The following ABCA12 variants were observed in gnomAD, a reference collection of about 807,000 sequenced individuals.
ABCA12 encodes the protein ATP binding cassette subfamily A member 12.
A neutral mutation model predicts 293.5 loss-of-function variants in ABCA12; 156 were observed. The ratio of observed to expected loss-of-function variants is 0.53; its 90% CI spans 0.47 to 0.61. The LOEUF is 0.61. Ranked by LOEUF, ABCA12 falls within the 20% of genes least tolerant of loss-of-function variation. The pLI is 0.00. For synonymous variants in ABCA12, 1,063 were observed against 1,108.0 expected, an observed-to-expected ratio of 0.96 and a Z score of 0.81; for missense variants, 2,797 against 3,090.2, an observed-to-expected ratio of 0.91 and a Z score of 2.25.
In ABCA12 at chr2:215,086,106, G is replaced by A. The variant is rs1049227582; in HGVS notation, c.164-21887C>T. Among the ~76,000 whole-genome samples the A allele has an allele frequency of 6.6e-5, 10 of 152,250 alleles. No individual in the cohort carries two copies. The East Asian group carries it at 7.7e-4, about 12-fold the overall frequency. ...CATTGCTGTCAACTACATTTATTGC[G>A]CACCAACTATTGGAGTGGGGATGGC... On this transcript the variant is annotated intron_variant, in intron 2 of 52. Coordinates refer to ENST00000272895, the MANE Select transcript of ABCA12 (RefSeq NM_173076.3).
rs561972447 is a variant in ABCA12 at position 214,948,725 on chromosome 2, G to A, written c.6975C>T (p.His2325=). 4.7e-5 allele frequency: 76 copies of A among 1,613,984 alleles called. 1 individual carries two copies. In the South Asian group the frequency reaches 6.4e-4, roughly 14 times the overall value. ...LIRNKTGSLG[H]VDSHSSLVGY... ...CAACTAATGAGCTGTGAGAATCAAC[G>A]TGACCCAGAGATCTGAATTGAGAGA... Residue 2325 remains histidine, a synonymous_variant, in exon 47 of 53, where the codon CAC becomes CAT. Coordinates refer to ENST00000272895, the MANE Select transcript of ABCA12 (RefSeq NM_173076.3).
rs773569314 is a variant in ABCA12 at position 214,980,515 on chromosome 2, C to T, written c.4708G>A (p.Asp1570Asn). 14 of 1,613,754 alleles carry T rather than the reference C, an allele frequency of 8.7e-6. No homozygotes were observed. The highest frequency in any genetic ancestry group is 4.5e-5 in the East Asian group (2 of 44,876). Residue 1570 changes from aspartate (D) to asparagine (N), a missense_variant, in exon 31 of 53, where the codon GAT becomes AAT. By Grantham distance (23) the Asp-to-Asn change is conservative. Around this residue, in one of 3 missense-constraint regions of ABCA12, gnomAD observed 2,130 missense variants for 2,427.0 expected, o/e 0.88. Transcript: ENST00000272895. The part of the protein sequence containing the change: ...SPFYLKEAFG[D>N]GYHLTLTKKK... ...TTGGTAAGCGTGAGGTGATACCCAT[C>T]GCCAAAGGCTTCCTTGAGGTAAAAT... is the stretch of plus-strand genomic sequence containing the variant.
chr2:215,024,541 T>G (rs4673930), intron 11 of ABCA12, among the ~76,000 whole-genome samples: 12,930 of 152,272 alleles, frequency 0.085, 818 homozygotes, highest in Admixed American at 0.17. Context: ...CACAATTTCC[T>G]TCTCATTTGC....
intron 1 of ABCA12, among the ~76,000 whole-genome samples, chr2:215,114,131 T>C (rs112426765): frequency 0.045 from 6,883 of 152,120 alleles, 245 homozygotes; most frequent in African/African-American, 0.096. Flanking sequence ...CATGCCACCA[T>C]GCCCAGCTAA....
At chr2:214,932,847 T>A in intron 52 of ABCA12, 106 bp from the exon 53 acceptor site, 2 of 779,178 alleles carry the variant, frequency 2.6e-6, no homozygotes, top group Non-Finnish European at 4.5e-6. Flanking sequence ...AGTGCAAGCG[T>A]GTATATATGT....
chr2:215,070,683 T>C (rs1701720165), intron 2 of ABCA12, among the ~76,000 whole-genome samples: 3 of 151,784 alleles, frequency 2.0e-5, no homozygotes, highest in Admixed American at 2.0e-4. Flanking sequence ...TGATTAAAAA[T>C]TGTTCATCTT....
chr2:214,989,328 C>T lies in ABCA12; in HGVS notation c.3829+1G>A. On this transcript the variant is annotated splice_donor_variant, in intron 26 of 52. Coordinates refer to ENST00000272895, the MANE Select transcript of ABCA12 (RefSeq NM_173076.3). LOFTEE classifies it high-confidence loss of function. ...TGTATCTGTAGGAAGCACATTCATACCTGGGAAGACATTCCTGACATACCA... is the reference window on the plus strand; with the variant it reads ...TGTATCTGTAGGAAGCACATTCATATCTGGGAAGACATTCCTGACATACCA... 1 of 1,612,378 alleles carries T rather than the reference C, an allele frequency of 6.2e-7. No individual in the cohort carries two copies. Among genetic ancestry groups the T allele is most frequent in the Non-Finnish European group, 8.5e-7 (1 of 1,179,612 alleles).
intron 47 of ABCA12, chr2:214,947,803 G>A (rs1698630021): frequency 1.0e-5 from 5 of 492,458 alleles, no homozygotes; most frequent in South Asian, 8.5e-5. Context: ...CACCAAACGT[G>A]TGTGTGTGTT....
Position 214,937,612 on chromosome 2 carries a change from A to C in ABCA12, c.7440T>G (p.Phe2480Leu). 6.2e-7 allele frequency: 1 copy of C among 1,613,330 alleles called. No individual in the cohort carries two copies. The highest frequency in any genetic ancestry group is 8.5e-7 in the Non-Finnish European group (1 of 1,179,376). Residue 2480 changes from phenylalanine to leucine, a missense_variant, in exon 51 of 53, where the codon TTT becomes TTG. Physicochemically the swap from Phe to Leu is conservative, Grantham distance 22. Coordinates refer to ENST00000272895, the MANE Select transcript of ABCA12 (RefSeq NM_173076.3). ...GAACTTTGACAGTAAATCCTCGTCC[A>C]AACCTAGAAAGAAAAAGTGCAAAAT... is the stretch of plus-strand genomic sequence containing the variant. ...IGSLQHIKSRFGRGFTVKVHL... is the reference protein window; with the variant it reads ...IGSLQHIKSRLGRGFTVKVHL...
At chr2:215,010,295 A>G (rs1159945193) in intron 18 of ABCA12, 36 bp downstream of exon 18, 1 of 1,612,028 alleles carries the variant, frequency 6.2e-7, no homozygotes, top group African/African-American at 1.3e-5. Flanking sequence ...AAACATCTTA[A>G]TAGTCAAAAT....
chr2:215,024,051 A>C (rs985093355), intron 11 of ABCA12, among the ~76,000 whole-genome samples: 7 of 152,150 alleles, frequency 4.6e-5, no homozygotes, highest in African/African-American at 1.7e-4. Context: ...CCTGTCTTTC[A>C]AGTTCACGCC....
At chr2:215,006,183 T>C (rs1357808651) in intron 19 of ABCA12, among the ~76,000 whole-genome samples, 2 of 152,338 alleles carry the variant, frequency 1.3e-5, no homozygotes, top group East Asian at 3.9e-4. Context: ...ACACATCCTG[T>C]TAATTCACCA....
intron 2 of ABCA12, among the ~76,000 whole-genome samples, chr2:215,070,335 T>C (rs1197930901): frequency 6.6e-6 from 1 of 152,186 alleles, no homozygotes; most frequent in Non-Finnish European, 1.5e-5. Flanking sequence ...AGAAAGGTGT[T>C]AAGTAGGGTT....
At position 214,978,348 on chromosome 2, in the gene ABCA12, G is replaced by A; in HGVS notation, c.5096C>T (p.Ser1699Phe). The A allele has an allele frequency of 6.2e-7, 1 of 1,614,054 alleles. No individual in the cohort carries two copies. Among genetic ancestry groups the A allele is most frequent in the Non-Finnish European group, 8.5e-7 (1 of 1,179,956 alleles). The change falls in exon 33 of 53, where the codon TCT becomes TTT. Residue 1699 changes from serine to phenylalanine, a missense_variant. Ser to Phe is a radical substitution (Grantham distance 155). Coordinates refer to ENST00000272895, the MANE Select transcript of ABCA12 (RefSeq NM_173076.3). The stretch of plus-strand genomic sequence containing the variant: ...GTCTGTGAAATTGCTGCTGCTCACA[G>A]ATAAATCGTCAGGAGTTGAGATGCC... ...ANGISTPDDL[S>F]VSSSNFTDRD...
At chr2:214,947,581 G>T (rs746709997) in intron 47 of ABCA12, 25 bp from the exon 48 acceptor site, 7 of 1,612,892 alleles carry the variant, frequency 4.3e-6, no homozygotes, top group Admixed American at 3.3e-5. Flanking sequence ...AGGGGAGTTA[G>T]GTTGACCTTC....
At chr2:214,972,566 C>T (rs13391550) in intron 36 of ABCA12, among the ~76,000 whole-genome samples, 16,429 of 151,968 alleles carry the variant, frequency 0.11, 2,394 homozygotes, top group African/African-American at 0.33. Context: ...CACCACTACA[C>T]CCAGCTAATT....
chr2:214,980,823 G>A (rs889985629), intron 30 of ABCA12, among the ~76,000 whole-genome samples, 180 bp from the exon 31 acceptor site: 1 of 152,128 alleles, frequency 6.6e-6, no homozygotes, highest in Non-Finnish European at 1.5e-5. Flanking sequence ...TCAGGGCCAG[G>A]CTCACTGGTT....
At chr2:215,133,932 T>A (rs1703117798) in intron 1 of ABCA12, among the ~76,000 whole-genome samples, 2 of 152,084 alleles carry the variant, frequency 1.3e-5, no homozygotes, top group Non-Finnish European at 2.9e-5. Context: ...CTTGAAGAAA[T>A]CTGACTTTGA....
chr2:215,019,764 A>T lies in ABCA12; in HGVS notation c.1320T>A (p.Leu440=). ...LSQLRNLTEL[L]CESETFSLIE... is the part of the protein sequence containing the mutation. ...TCAAACTGAAAGTTTCAGATTCACA[A>T]AGAAGTTCGGTCAAGTTTCGAAGTT... Residue 440 remains leucine (L), a synonymous_variant, in exon 12 of 53, where the codon CTT becomes CTA. Transcript: ENST00000272895. 1 of 1,613,594 alleles carries T rather than the reference A, an allele frequency of 6.2e-7. No individual in the cohort carries two copies. Among genetic ancestry groups the T allele is most frequent in the South Asian group, 1.1e-5 (1 of 91,080 alleles).
Sources: allele counts gnomAD v4.1 joint callset (sites outside exome capture counted in the v4.1 genomes callset), GRCh38; gene constraint gnomAD v4.1.1; regional missense constraint gnomAD v4.1.1; transcripts MANE v1.5; gene names NCBI Gene and HGNC (gene_info 2026-07-23, HGNC 2026-07-21).